The following ATG7 variants were observed in gnomAD, a reference collection of about 807,000 sequenced individuals.
ATG7 encodes the protein ubiquitin-like modifier-activating enzyme ATG7.
In ATG7, 70 loss-of-function variants were observed where a neutral mutation model predicts 82.4. The ratio of observed to expected loss-of-function variants is 0.85; its 90% CI spans 0.70 to 1.04. The LOEUF (loss-of-function observed/expected upper bound fraction) is 1.04, where lower values mean the gene tolerates loss of function less well. ATG7 is among the 50% of genes least tolerant of loss of function. ATG7 has a pLI of 0.00. For missense variants in ATG7, 792 were observed against 864.3 expected (o/e 0.92, Z 1.05); for synonymous variants, 287 against 313.0 (o/e 0.92, Z 0.88).
chr3:11,488,214 C>T (rs2089940155), intron 20 of ATG7: 1 of 182,438 alleles, frequency 5.5e-6, no homozygotes, highest in Non-Finnish European at 9.7e-6. Context: ...GGCGGCCAGG[C>T]AGAGACACTC....
At position 11,306,997 on chromosome 3, in the gene ATG7, C is replaced by T; in HGVS notation, c.270C>T (p.Thr90=). ...CCPAIGTLYN[T]NTLESFKTAD... is the part of the protein sequence containing the mutation. ...CAGCTATTGGAACACTGTATAACAC[C>T]AACACACTCGAGTCTTTCAAGACTG... Residue 90 remains threonine (T), a synonymous_variant, in exon 6 of 21, where the codon ACC becomes ACT. Coordinates refer to ENST00000693202, the MANE Select transcript of ATG7 (RefSeq NM_001349232.2). 6.2e-7 allele frequency: 1 copy of T among 1,614,034 alleles called. No individual in the cohort carries two copies. Among genetic ancestry groups the T allele is most frequent in the Non-Finnish European group, 8.5e-7 (1 of 1,179,988 alleles).
intron 20 of ATG7, among the ~76,000 whole-genome samples, chr3:11,516,497 G>A (rs1204872574): frequency 4.6e-5 from 7 of 152,176 alleles, no homozygotes; most frequent in Admixed American, 3.3e-4. Flanking sequence ...CATTGCTGGT[G>A]GGAATGCAAA....
chr3:11,518,273 A>C (rs987517069), intron 20 of ATG7, among the ~76,000 whole-genome samples: 9 of 152,144 alleles, frequency 5.9e-5, no homozygotes, highest in African/African-American at 1.9e-4. Context: ...GAGGCTGGGC[A>C]CAGTGGCTCA....
At chr3:11,313,009 A>T (rs1467926486) in intron 7 of ATG7, among the ~76,000 whole-genome samples, 1 of 152,218 alleles carries the variant, frequency 6.6e-6, no homozygotes, top group Non-Finnish European at 1.5e-5. Flanking sequence ...AGGTTAAAGG[A>T]TGATGATGAT....
At chr3:11,369,980 C>T (rs1327707821) in intron 18 of ATG7, among the ~76,000 whole-genome samples, 1 of 150,938 alleles carries the variant, frequency 6.6e-6, no homozygotes, top group Non-Finnish European at 1.5e-5. Flanking sequence ...AGCACTTGTC[C>T]CTGTTTGACC....
At chr3:11,568,855 T>C in the ATG7 span, 3 of 1,377,418 alleles carry the variant, frequency 2.2e-6, no homozygotes, top group Non-Finnish European at 2.8e-6. The surrounding 1 kb of genome is among the most constrained non-coding windows in gnomAD (Gnocchi z 5.9). Flanking sequence ...GTGCCAGGCC[T>C]ATCAGAGCCG....
At chr3:11,303,331 A>C (rs1414891424) in intron 5 of ATG7, among the ~76,000 whole-genome samples, 1 of 152,242 alleles carries the variant, frequency 6.6e-6, no homozygotes, top group Non-Finnish European at 1.5e-5. Flanking sequence ...GGAGGAAAAT[A>C]GATTTTGATT....
At chr3:11,571,102 C>T in the ATG7 span, among the ~76,000 whole-genome samples, 8 of 152,112 alleles carry the variant, frequency 5.3e-5, no homozygotes, top group Non-Finnish European at 8.8e-5. Flanking sequence ...AGAAGTGTGT[C>T]GTGGGCAGGA....
chr3:11,571,872 C>T, the ATG7 span, among the ~76,000 whole-genome samples: 52 of 152,150 alleles, frequency 3.4e-4, 1 homozygote, highest in African/African-American at 1.1e-3. Flanking sequence ...TTTGGGAGGC[C>T]GAGGCCGGCA....
chr3:11,432,509 A>AG (rs970417839), intron 20 of ATG7, among the ~76,000 whole-genome samples: 9 of 151,916 alleles, frequency 5.9e-5, no homozygotes, highest in Non-Finnish European at 1.0e-4. Context: ...GAAGCTTGGG[A>AG]GGGGGGGTAA....
intron 5 of ATG7, 56 bp downstream of exon 5, chr3:11,299,472 T>A: frequency 6.6e-7 from 1 of 1,520,950 alleles, no homozygotes; most frequent in Non-Finnish European, 9.1e-7. Flanking sequence ...TGGCAAGGAA[T>A]AAGCATGCTT....
chr3:11,315,114 C>T (rs1194710902), intron 8 of ATG7, among the ~76,000 whole-genome samples: 1 of 152,054 alleles, frequency 6.6e-6, no homozygotes, highest in Non-Finnish European at 1.5e-5. Flanking sequence ...TGTTGTAGTC[C>T]CTTTGTGCCC....
intron 20 of ATG7, among the ~76,000 whole-genome samples, chr3:11,526,220 A>G (rs983596649): frequency 7.9e-5 from 12 of 152,002 alleles, no homozygotes; most frequent in African/African-American, 2.9e-4. Flanking sequence ...GCGAGACCCC[A>G]TCTCTACAAA....
At chr3:11,523,176 C>G (rs1024391356) in intron 20 of ATG7, among the ~76,000 whole-genome samples, 16 of 152,210 alleles carry the variant, frequency 1.1e-4, no homozygotes, top group Non-Finnish European at 2.1e-4. Flanking sequence ...AGTCAGAAGT[C>G]ATGATGACTG....
At chr3:11,519,646 C>T (rs533850571) in intron 20 of ATG7, among the ~76,000 whole-genome samples, 1 of 146,998 alleles carries the variant, frequency 6.8e-6, no homozygotes, top group Non-Finnish European at 1.5e-5. Context: ...TGCAAGCTCC[C>T]CCTCCCAGAT....
At chr3:11,573,291 GAAAGAAAGAAAGA>G in the ATG7 span, among the ~76,000 whole-genome samples, 48 of 10,926 alleles carry the variant, frequency 4.4e-3, 1 homozygote, top group Middle Eastern at 0.026. Context: ...AAGAAAGAAA[GAAAGAAAGAAAGA>G]AAGGAAGGAA....
Position 11,554,877 on chromosome 3 carries a change from C to T in ATG7, c.*34C>T, listed in dbSNP as rs553944184. 9.5e-5 allele frequency: 152 copies of T among 1,608,092 alleles called. 2 individuals are homozygous for T. The South Asian group carries it at 1.5e-3, about 16-fold the overall frequency. On this transcript the variant is annotated 3_prime_UTR_variant, in exon 21 of 21. Coordinates refer to ENST00000693202, the MANE Select transcript of ATG7 (RefSeq NM_001349232.2). ...CGCTGTGGGGCTGACTTCTCCCCGGCCGCCTGCTGAGGAGCTCTCCATCGC... is the reference window on the plus strand; with the variant it reads ...CGCTGTGGGGCTGACTTCTCCCCGGTCGCCTGCTGAGGAGCTCTCCATCGC...
At chr3:11,397,809 G>A (rs1334644819) in intron 19 of ATG7, among the ~76,000 whole-genome samples, 1 of 150,124 alleles carries the variant, frequency 6.7e-6, no homozygotes, top group Non-Finnish European at 1.5e-5. Context: ...TCGGCTGGGC[G>A]CGGTGGCTCA....
At chr3:11,338,601 G>C (rs1952941476) in intron 11 of ATG7, among the ~76,000 whole-genome samples, 1 of 152,108 alleles carries the variant, frequency 6.6e-6, no homozygotes, top group Non-Finnish European at 1.5e-5. Context: ...GATCACTTGA[G>C]CCCAGGAGTT....
Sources: allele counts gnomAD v4.1 joint callset (sites outside exome capture counted in the v4.1 genomes callset), GRCh38; gene constraint gnomAD v4.1.1; non-coding constraint Gnocchi (gnomAD v3.1); transcripts MANE v1.5; gene names NCBI Gene and HGNC (gene_info 2026-07-23, HGNC 2026-07-21).